CLUL1: variants seen among roughly 807,000 people sequenced by gnomAD.
CLUL1 encodes the protein clusterin-like protein 1.
CLUL1 carries 43 observed loss-of-function variants against 49.4 expected under a neutral mutation model. The ratio of observed to expected loss-of-function variants is 0.87; its 90% confidence interval spans 0.68 to 1.12. CLUL1 has a LOEUF of 1.12. Ranked by LOEUF, CLUL1 falls within the 50% of genes most tolerant of loss-of-function variation. The pLI is 0.00. For missense variants in CLUL1, 486 were observed against 544.4 expected (o/e 0.89, Z 1.07); for synonymous variants, 192 against 184.9 (o/e 1.04, Z -0.31).
At chr18:627,636 G>A in intron 6 of CLUL1, 107 bp downstream of exon 6, 1 of 733,394 alleles carries the variant, frequency 1.4e-6, no homozygotes, top group Non-Finnish European at 2.2e-6. Context: ...AGCATTTCTT[G>A]AAGAGACAAT....
intron 2 of CLUL1, chr18:612,903 C>A (rs1194332352): frequency 5.9e-6 from 1 of 170,004 alleles, no homozygotes; most frequent in Non-Finnish European, 1.3e-5. Context: ...AAGAGAAGCA[C>A]TATTCTGGGT....
intron 6 of CLUL1, among the ~76,000 whole-genome samples, chr18:630,350 C>T (rs2073957162): frequency 6.6e-6 from 1 of 152,118 alleles, no homozygotes; most frequent in South Asian, 2.1e-4. Context: ...CTCAAATGAT[C>T]CGCCCACCTC....
intron 2 of CLUL1, among the ~76,000 whole-genome samples, chr18:609,500 A>C (rs542806582): frequency 3.6e-4 from 55 of 152,234 alleles, no homozygotes; most frequent in Non-Finnish European, 6.2e-4. Context: ...GGTTAAGTGT[A>C]GAATTTTCCA....
rs1461956198 is a variant in CLUL1, at chr18:627,318, A to G, written c.645A>G (p.Ser215=). Reference sequence around the variant, plus strand: ...AAGAGTTTGACCAGACTTTTCAATCACATTTCATATCAGATACAGACCTAA... The same window carrying G: ...AAGAGTTTGACCAGACTTTTCAATCGCATTTCATATCAGATACAGACCTAA... ...MQQEFDQTFQ[S]HFISDTDLTE... Residue 215 remains serine, a synonymous_variant, in exon 6 of 10, where the codon TCA becomes TCG. Transcript: ENST00000692774. 17 of 1,613,986 alleles carry G rather than the reference A, an allele frequency of 1.1e-5. No homozygotes were observed. The highest frequency in any genetic ancestry group is 1.7e-5 in the Admixed American group (1 of 60,004).
chr18:612,040 A>G (rs2073149760), intron 2 of CLUL1, among the ~76,000 whole-genome samples: 1 of 152,128 alleles, frequency 6.6e-6, no homozygotes, highest in Non-Finnish European at 1.5e-5. Context: ...TCTCCAAAAT[A>G]AGTTCCAAAT....
At chr18:607,607 T>C (rs1295104881) in intron 2 of CLUL1, among the ~76,000 whole-genome samples, 3 of 152,146 alleles carry the variant, frequency 2.0e-5, no homozygotes, top group Non-Finnish European at 4.4e-5. Context: ...TAAAATTTTT[T>C]TGTAGAGACG....
chr18:615,003 C>A (rs189228562), intron 2 of CLUL1, among the ~76,000 whole-genome samples: 46 of 152,348 alleles, frequency 3.0e-4, no homozygotes, highest in African/African-American at 9.4e-4. Flanking sequence ...ATAAACCTGA[C>A]ATTTTGAAAT....
intron 2 of CLUL1, chr18:613,287 T>C (rs2073194778): frequency 7.5e-6 from 3 of 399,170 alleles, no homozygotes; most frequent in Admixed American, 4.4e-5. Context: ...TATAGGTGCG[T>C]GCCACCACAC....
chr18:598,199 T>G (rs1352778493), intron 1 of CLUL1: 1 of 197,864 alleles, frequency 5.1e-6, no homozygotes, highest in Non-Finnish European at 1.0e-5. Context: ...TGAGATACTG[T>G]TACCTAATAA....
intron 7 of CLUL1, among the ~76,000 whole-genome samples, chr18:634,204 A>C (rs2074074554): frequency 6.6e-6 from 1 of 152,120 alleles, no homozygotes; most frequent in Non-Finnish European, 1.5e-5. Context: ...ATCTCGGCTC[A>C]CTGCAACCTC....
intron 6 of CLUL1, among the ~76,000 whole-genome samples, chr18:628,822 G>A (rs1220609373): frequency 1.3e-5 from 2 of 149,794 alleles, no homozygotes; most frequent in African/African-American, 5.0e-5. Context: ...AGTAGAGACA[G>A]GGGTTTCACC....
intron 6 of CLUL1, among the ~76,000 whole-genome samples, chr18:629,149 A>G (rs1331220507): frequency 6.6e-6 from 1 of 152,228 alleles, no homozygotes; most frequent in Non-Finnish European, 1.5e-5. Flanking sequence ...GAGAACAGCC[A>G]TCATTACTGG....
At chr18:605,218 A>G (rs759175069) in intron 1 of CLUL1, among the ~76,000 whole-genome samples, 2 of 152,226 alleles carry the variant, frequency 1.3e-5, no homozygotes, top group Admixed American at 6.5e-5. Flanking sequence ...TTGGGCTCCT[A>G]TTCTACAATG....
At chr18:603,998 A>G (rs1034253946) in intron 1 of CLUL1, among the ~76,000 whole-genome samples, 2 of 152,114 alleles carry the variant, frequency 1.3e-5, no homozygotes, top group Non-Finnish European at 2.9e-5. Flanking sequence ...CTTCCACCCC[A>G]GCCTCCTGAG....
chr18:609,934 C>A (rs1034477613), intron 2 of CLUL1, among the ~76,000 whole-genome samples: 3 of 151,056 alleles, frequency 2.0e-5, no homozygotes, highest in Non-Finnish European at 2.9e-5. Flanking sequence ...ACAAACTTAA[C>A]AAAACAAGTG....
rs113105336 is a variant in CLUL1 at position 612,809 on chromosome 18, C to T, written c.-13-5179C>T. 213 of 152,974 alleles carry T rather than the reference C, an allele frequency of 1.4e-3. 1 individual carries two copies. Among genetic ancestry groups the T allele is most frequent in the African/African-American group, 4.3e-3 (179 of 41,622 alleles). The allele number at this position is 152,974 out of a possible 1,614,324, so 9.5% of individuals were successfully genotyped here. On this transcript the variant is annotated intron_variant, in intron 2 of 9. Transcript: ENST00000692774. ...AGCGTGGGCACCTGCAACGCAGAGA[C>T]CACTGTATCTCCGGTGCAGAATGTA...
intron 6 of CLUL1, among the ~76,000 whole-genome samples, chr18:629,655 G>A (rs1289152726): frequency 6.6e-6 from 1 of 152,146 alleles, no homozygotes; most frequent in Non-Finnish European, 1.5e-5. Flanking sequence ...TCTCAGTGAT[G>A]ACCTGGAAAG....
chr18:622,232 CCTT>C (rs2073510309), intron 4 of CLUL1, among the ~76,000 whole-genome samples: 1 of 152,134 alleles, frequency 6.6e-6, no homozygotes, highest in African/African-American at 2.4e-5. Context: ...CTCCACCCCT[CCTT>C]ATTAATATTT....
chr18:627,344 C>A lies in CLUL1; in HGVS notation c.671C>A (p.Thr224Asn). 2 of 1,614,126 alleles carry A rather than the reference C, an allele frequency of 1.2e-6. No individual in the cohort carries two copies. Among genetic ancestry groups the A allele is most frequent in the Non-Finnish European group, 1.7e-6 (2 of 1,180,012 alleles). Residue 224 changes from threonine to asparagine, a missense_variant, in exon 6 of 10, where the codon ACT becomes AAT. Coordinates refer to ENST00000692774, the MANE Select transcript of CLUL1 (RefSeq NM_001393344.1). ...QSHFISDTDLTEPYFFPAFSK... is the reference protein window; with the variant it reads ...QSHFISDTDLNEPYFFPAFSK... ...CATTTCATATCAGATACAGACCTAACTGAGCCTTACTTTTTTCCAGCTTTC... is the reference window on the plus strand; with the variant it reads ...CATTTCATATCAGATACAGACCTAAATGAGCCTTACTTTTTTCCAGCTTTC...
Sources: gnomAD v4.1 joint callset for allele counts (sites outside exome capture counted in the v4.1 genomes callset) on GRCh38, gnomAD v4.1.1 for gene constraint, MANE v1.5 for transcripts, NCBI Gene and HGNC (gene_info 2026-07-23, HGNC 2026-07-21) for gene names.